The following TNS1 variants were observed in gnomAD, a reference collection of about 807,000 sequenced individuals.
The protein encoded by TNS1 is tensin 1, also known as tensin-1.
In TNS1, 62 loss-of-function variants were observed where a neutral mutation model predicts 168.6. That is an observed-to-expected ratio of 0.37 (90% confidence interval 0.30 to 0.45). TNS1 has a LOEUF of 0.45. Ranked by LOEUF, TNS1 falls within the 20% of genes least tolerant of loss-of-function variation. The pLI, the probability that TNS1 is intolerant of heterozygous loss-of-function variation, is 1.00. For synonymous variants in TNS1, 934 were observed against 933.2 expected (o/e 1.00, Z -0.02); for missense variants, 2,240 against 2,339.4 (o/e 0.96, Z 0.88).
In TNS1 at chr2:217,802,137, G is replaced by C. The variant is rs1937580298; in HGVS notation, c.*2322C>G. ...AGTGGGAGATGAGATATTTACAAAG[G>C]AAGGGGATGGGAAATATCTCCTATC... On this transcript the variant is annotated 3_prime_UTR_variant, in exon 33 of 33. Coordinates refer to ENST00000682258, the MANE Select transcript of TNS1 (RefSeq NM_001387777.1). 6.6e-6 allele frequency: 1 copy of C among 152,242 alleles called. No individual in the cohort carries two copies. Among genetic ancestry groups the C allele is most frequent in the African/African-American group, 2.4e-5 (1 of 41,464 alleles). 9.4% of individuals were successfully genotyped at this position (152,242 alleles called of 1,614,324 possible).
chr2:217,810,071 A>G, intron 29 of TNS1, 80 bp from the exon 30 acceptor site: 1 of 1,519,088 alleles, frequency 6.6e-7, no homozygotes, highest in Non-Finnish European at 9.0e-7. Flanking sequence ...CTTCAGGGAG[A>G]AGGTAGCAGA....
At chr2:217,912,514 C>T (rs887678328) in intron 4 of TNS1, among the ~76,000 whole-genome samples, 27 of 152,332 alleles carry the variant, frequency 1.8e-4, no homozygotes, top group Non-Finnish European at 3.8e-4. Context: ...AGGTCACCAT[C>T]GCACTGCCTA....
chr2:217,802,486 G>A lies in TNS1; in HGVS notation c.*1973C>T, dbSNP rs914793694. 1 of 152,284 alleles carries A rather than the reference G, an allele frequency of 6.6e-6. No individual in the cohort carries two copies. The highest frequency in any genetic ancestry group is 1.5e-5 in the Non-Finnish European group (1 of 68,094). The allele number at this position is 152,284 out of a possible 1,614,324, so 9.4% of individuals were successfully genotyped here. The stretch of plus-strand genomic sequence containing the variant: ...GCTCACACACTCGCTCAGGCCTGCA[G>A]AGTCAGGGACAGCTCCCCACACATC... On this transcript the variant is annotated 3_prime_UTR_variant, in exon 33 of 33. Transcript: ENST00000682258.
chr2:217,845,707 C>A (rs900954418), intron 19 of TNS1, among the ~76,000 whole-genome samples: 3 of 152,150 alleles, frequency 2.0e-5, no homozygotes, highest in Admixed American at 6.5e-5. Flanking sequence ...AGTTGACAGT[C>A]AAGCCTTCGA....
rs764396898 is a variant in TNS1 at position 217,848,075 on chromosome 2, G to A, written c.2442C>T (p.Pro814=). 1.3e-6 allele frequency: 2 copies of A among 1,547,024 alleles called. No homozygotes were observed. Among genetic ancestry groups the A allele is most frequent in the Non-Finnish European group, 1.7e-6 (2 of 1,146,720 alleles). Residue 814 remains proline (P), a synonymous_variant, in exon 19 of 33, where the codon CCC becomes CCT. Transcript: ENST00000682258. The stretch of plus-strand genomic sequence containing the variant: ...GCGGGAACTCAGGGAGACTGGGGAT[G>A]GGGGTCTCTGCCAATGGCTGAGGGC... ...RPSPQPLAET[P]IPSLPEFPRA... is the part of the protein sequence containing the mutation.
Position 217,910,709 on chromosome 2 carries a change from CACAT to C in TNS1, c.229-3462_229-3459del, listed in dbSNP as rs1277701117. ...AGGATGTTTCTACAGCTACCACATA[CACAT>C]ACACACACACACACACACACACACA... On this transcript the variant is annotated intron_variant, in intron 4 of 32. Transcript: ENST00000682258. 3.9e-4 allele frequency among the ~76,000 whole-genome samples: 53 copies of C among 135,390 alleles called. 1 individual carries two copies. Among genetic ancestry groups the C allele is most frequent in the Middle Eastern group, 3.7e-3 (1 of 272 alleles). 88.8% of individuals were successfully genotyped at this position (135,390 alleles called of 152,430 possible). A position where few individuals can be genotyped will look rare whatever the true frequency, so the allele number is the denominator to read the frequency against.
chr2:217,940,394 C>A (rs1191384655), intron 3 of TNS1, among the ~76,000 whole-genome samples: 4 of 152,224 alleles, frequency 2.6e-5, no homozygotes, highest in Admixed American at 2.6e-4. Flanking sequence ...GGCTCCAGAA[C>A]TGAGCCAAGA....
At chr2:217,917,779 C>T (rs1344623170) in intron 4 of TNS1, among the ~76,000 whole-genome samples, 1 of 144,094 alleles carries the variant, frequency 6.9e-6, no homozygotes, top group African/African-American at 2.6e-5. Flanking sequence ...TGCAGTGAGC[C>T]AAGATCACAC....
chr2:218,011,817 G>C (rs1958708961), upstream of TNS1, among the ~76,000 whole-genome samples: 1 of 152,170 alleles, frequency 6.6e-6, no homozygotes, highest in African/African-American at 2.4e-5. Flanking sequence ...AGGAAGAAGA[G>C]GTTCCTACTG....
intron 1 of TNS1, among the ~76,000 whole-genome samples, chr2:218,008,657 A>G (rs1290110196): frequency 3.3e-5 from 5 of 152,240 alleles, no homozygotes. Context: ...GCCTGCTGGC[A>G]CCTTTCCCCA....
chr2:218,008,629 T>C (rs1958680219), intron 1 of TNS1, among the ~76,000 whole-genome samples: 1 of 152,168 alleles, frequency 6.6e-6, no homozygotes, highest in African/African-American at 2.4e-5. Flanking sequence ...AAGCATACCT[T>C]GGGTAACTGG....
At chr2:217,891,681 A>C (rs892704177) in intron 11 of TNS1, among the ~76,000 whole-genome samples, 8 of 152,090 alleles carry the variant, frequency 5.3e-5, no homozygotes, top group African/African-American at 1.9e-4. Flanking sequence ...CTTAGAGCAA[A>C]CCCCAAAGTC....
chr2:217,869,322 T>C (rs1949562173), intron 18 of TNS1, among the ~76,000 whole-genome samples: 2 of 152,164 alleles, frequency 1.3e-5, no homozygotes, highest in East Asian at 1.9e-4. Flanking sequence ...AAGCTCAACT[T>C]TGCCAAAGCA....
rs1223837538 is a variant in TNS1 at position 217,948,245 on chromosome 2, G to T, written c.187-28009C>A. Among the ~76,000 whole-genome samples, 2 of 152,218 alleles carry T rather than the reference G, an allele frequency of 1.3e-5. No individual in the cohort carries two copies. Among genetic ancestry groups the T allele is most frequent in the East Asian group, 3.8e-4 (2 of 5,196 alleles). On this transcript the variant is annotated intron_variant, in intron 3 of 32. Transcript: ENST00000682258. The surrounding 1 kb of genome is among the most constrained non-coding windows in gnomAD (Gnocchi z 4.1). ...TCGGTTCCCCAACTCTTCCTGTGAT[G>T]GGTGGGAAGTGTTAGTCTCTGGGGC...
At position 217,800,877 on chromosome 2, in the gene TNS1, C is replaced by A. The variant is rs1281110953; in HGVS notation, c.*3582G>T. 1 of 152,206 alleles carries A rather than the reference C, an allele frequency of 6.6e-6. No individual in the cohort carries two copies. Among genetic ancestry groups the A allele is most frequent in the Non-Finnish European group, 1.5e-5 (1 of 68,080 alleles). 9.4% of individuals were successfully genotyped at this position (152,206 alleles called of 1,614,324 possible). A position where few individuals can be genotyped will look rare whatever the true frequency, so the allele number is the denominator to read the frequency against. On this transcript the variant is annotated 3_prime_UTR_variant, in exon 33 of 33. Coordinates refer to ENST00000682258, the MANE Select transcript of TNS1 (RefSeq NM_001387777.1). The stretch of plus-strand genomic sequence containing the variant: ...TTCTGTGCCCCCTGGACAGCATGCT[C>A]CCCTGGAGCCCCTGCACAGGCTCAT...
At chr2:217,911,912 T>C (rs1954453499) in intron 4 of TNS1, among the ~76,000 whole-genome samples, 2 of 152,208 alleles carry the variant, frequency 1.3e-5, no homozygotes, top group Admixed American at 6.5e-5. Flanking sequence ...TTAACCATAC[T>C]TCCACAGAAA....
At chr2:218,021,480 C>T (rs1452879901) in intron 1 of TNS1, among the ~76,000 whole-genome samples, 1 of 152,202 alleles carries the variant, frequency 6.6e-6, no homozygotes, top group Non-Finnish European at 1.5e-5. Context: ...AGAGCAGGCT[C>T]ATCACTCAAT....
chr2:218,002,072 G>A (rs963483796), intron 1 of TNS1, among the ~76,000 whole-genome samples: 7 of 152,124 alleles, frequency 4.6e-5, no homozygotes, highest in Admixed American at 3.3e-4. Context: ...TCTGCAGCAG[G>A]CAGCCCTCTC....
At chr2:217,840,222 T>C (rs1367131089) in intron 19 of TNS1, among the ~76,000 whole-genome samples, 2 of 152,108 alleles carry the variant, frequency 1.3e-5, no homozygotes, top group Admixed American at 6.5e-5. Context: ...AGGGCAGGCC[T>C]GAGCATGGCA....
Sources: allele counts gnomAD v4.1 joint callset (sites outside exome capture counted in the v4.1 genomes callset), GRCh38; gene constraint gnomAD v4.1.1; non-coding constraint Gnocchi (gnomAD v3.1); transcripts MANE v1.5; gene names NCBI Gene and HGNC (gene_info 2026-07-23, HGNC 2026-07-21).